PPFIA2: variants seen among roughly 807,000 people sequenced by gnomAD.
The protein encoded by PPFIA2 is PPFI scaffold protein A2.
Under a neutral mutation model 175.5 loss-of-function variants are expected in PPFIA2, and 46 were observed. The ratio of observed to expected loss-of-function variants is 0.26; its 90% CI spans 0.21 to 0.34. The LOEUF (loss-of-function observed/expected upper bound fraction) is 0.34, where lower values mean the gene tolerates loss of function less well. PPFIA2 is among the 10% of genes least tolerant of loss of function. The pLI is 1.00. For missense variants in PPFIA2, 1,179 were observed against 1,506.1 expected (o/e 0.78, Z 3.60); for synonymous variants, 568 against 511.4 (o/e 1.11, Z -1.49).
At chr12:81,398,807 G>C (rs928235312) in intron 8 of PPFIA2, among the ~76,000 whole-genome samples, 1 of 152,078 alleles carries the variant, frequency 6.6e-6, no homozygotes, top group Non-Finnish European at 1.5e-5. Flanking sequence ...TGTGGGTAAA[G>C]AGCGTCTCTG....
intron 22 of PPFIA2, among the ~76,000 whole-genome samples, chr12:81,311,499 C>T (rs998273732): frequency 1.3e-5 from 2 of 151,790 alleles, no homozygotes; most frequent in Non-Finnish European, 1.5e-5. Flanking sequence ...TTTGGGAGGC[C>T]GAGGCGGGTG....
intron 9 of PPFIA2, among the ~76,000 whole-genome samples, chr12:81,380,962 CTGTGTGTGTGTGTG>C (rs71098139): frequency 3.3e-4 from 45 of 137,534 alleles, no homozygotes; most frequent in East Asian, 4.3e-4. Context: ...TTTCACAGTG[CTGTGTGTGTGTGTG>C]TGTGTGTGTG....
rs60373881 is a variant in PPFIA2, at chr12:81,529,559, AAGAG to A, written c.304-71697_304-71694del. Reference sequence around the variant, plus strand: ...CAAAGAGTGGCGGGGGGGCAGTGGAAAGAGAGAGAGAGAGAGAGAGAGAGATTCA... The same window carrying A: ...CAAAGAGTGGCGGGGGGGCAGTGGAAAGAGAGAGAGAGAGAGAGAGATTCA... On this transcript the variant is annotated intron_variant, in intron 4 of 32. Coordinates refer to ENST00000549396, the MANE Select transcript of PPFIA2 (RefSeq NM_003625.5). Among the ~76,000 whole-genome samples the A allele has an allele frequency of 3.5e-4, 51 of 145,734 alleles. No homozygotes were observed. The East Asian group carries it at 7.2e-3, about 21-fold the overall frequency.
intron 4 of PPFIA2, among the ~76,000 whole-genome samples, chr12:81,460,205 G>T (rs1201073447): frequency 6.6e-6 from 1 of 152,034 alleles, no homozygotes; most frequent in Non-Finnish European, 1.5e-5. Context: ...TGAATCATGG[G>T]AGCAGTTTCC....
intron 3 of PPFIA2, among the ~76,000 whole-genome samples, chr12:81,736,318 T>G (rs891507377): frequency 5.9e-5 from 9 of 152,068 alleles, no homozygotes; most frequent in African/African-American, 1.9e-4. Flanking sequence ...CTATTATAGA[T>G]GGAGTTGTTT....
At chr12:81,286,015 G>A (rs1244414708) in intron 24 of PPFIA2, among the ~76,000 whole-genome samples, 1 of 151,950 alleles carries the variant, frequency 6.6e-6, no homozygotes, top group Admixed American at 6.6e-5. Flanking sequence ...TGATACTGAT[G>A]GTCCCGATCC....
At chr12:81,518,621 T>C (rs1262255944) in intron 4 of PPFIA2, among the ~76,000 whole-genome samples, 1 of 152,156 alleles carries the variant, frequency 6.6e-6, no homozygotes, top group East Asian at 1.9e-4. Context: ...ACTTTCTTAC[T>C]GACACCTTCA....
chr12:81,705,708 A>T (rs2077053674), intron 3 of PPFIA2, among the ~76,000 whole-genome samples: 1 of 152,112 alleles, frequency 6.6e-6, no homozygotes, highest in Non-Finnish European at 1.5e-5. Flanking sequence ...AAATGCAAAA[A>T]CTCAAACCAA....
chr12:81,673,151 T>G (rs550303432), intron 4 of PPFIA2, among the ~76,000 whole-genome samples: 2 of 152,058 alleles, frequency 1.3e-5, no homozygotes, highest in Non-Finnish European at 2.9e-5. Context: ...GTCTTAAAAA[T>G]TACACCTCTC....
intron 4 of PPFIA2, among the ~76,000 whole-genome samples, chr12:81,587,015 T>A (rs185202671): frequency 1.5e-4 from 23 of 152,044 alleles, no homozygotes; most frequent in African/African-American, 5.3e-4. Flanking sequence ...ACCTAAATAT[T>A]TTTTTTATTT....
intron 19 of PPFIA2, 128 bp from the exon 20 acceptor site, chr12:81,341,336 G>T: frequency 1.2e-6 from 1 of 842,330 alleles, no homozygotes; most frequent in Non-Finnish European, 1.7e-6. Context: ...AAAACTTGGG[G>T]CATTTAAGTC....
intron 4 of PPFIA2, among the ~76,000 whole-genome samples, chr12:81,491,373 C>A (rs1189161253): frequency 6.6e-6 from 1 of 151,904 alleles, no homozygotes; most frequent in South Asian, 2.1e-4. Context: ...TCCTCATTCT[C>A]CCCAAAAAAA....
intron 24 of PPFIA2, among the ~76,000 whole-genome samples, chr12:81,290,872 T>C (rs1047966323): frequency 3.3e-5 from 5 of 151,816 alleles, no homozygotes; most frequent in African/African-American, 9.7e-5. Flanking sequence ...CAACAACAAA[T>C]TGTGTTACAC....
chr12:81,441,766 A>C (rs2050216950), intron 6 of PPFIA2, among the ~76,000 whole-genome samples: 2 of 152,196 alleles, frequency 1.3e-5, no homozygotes, highest in South Asian at 4.1e-4. Flanking sequence ...CCATATTCTA[A>C]AATACCAACT....
At chr12:81,604,168 ATTTC>A (rs2060061980) in intron 4 of PPFIA2, among the ~76,000 whole-genome samples, 2 of 151,694 alleles carry the variant, frequency 1.3e-5, no homozygotes, top group African/African-American at 4.8e-5. Context: ...CCAGTGGGTG[ATTTC>A]CAGTGGGTGA....
chr12:81,520,840 G>A (rs1020595683), intron 4 of PPFIA2, among the ~76,000 whole-genome samples: 31 of 152,188 alleles, frequency 2.0e-4, no homozygotes, highest in Non-Finnish European at 4.4e-4. Context: ...CATGTGTCAA[G>A]AGGAGAGAGA....
At chr12:81,718,852 T>C (rs1457746947) in intron 3 of PPFIA2, among the ~76,000 whole-genome samples, 2 of 151,606 alleles carry the variant, frequency 1.3e-5, no homozygotes, top group Non-Finnish European at 3.0e-5. Flanking sequence ...CTGTCTGACG[T>C]TGGCTTGGCA....
In PPFIA2 at chr12:81,716,642, A is replaced by G. The variant is rs1343704158; in HGVS notation, c.249+37331T>C. Among the ~76,000 whole-genome samples the G allele has an allele frequency of 2.0e-5, 3 of 151,692 alleles. No homozygotes were observed. The Admixed American group carries it at 2.0e-4, about 10-fold the overall frequency. The stretch of plus-strand genomic sequence containing the variant: ...AACACGAAAGCAAAAATAAATGCCT[A>G]AAAATGCATGTTAGAAGTGATGCTT... On this transcript the variant is annotated intron_variant, in intron 3 of 32. Coordinates refer to ENST00000549396, the MANE Select transcript of PPFIA2 (RefSeq NM_003625.5).
chr12:81,320,452 A>G (rs1462077825), intron 22 of PPFIA2, among the ~76,000 whole-genome samples: 1 of 152,058 alleles, frequency 6.6e-6, no homozygotes, highest in Non-Finnish European at 1.5e-5. Flanking sequence ...AAATTTGTTC[A>G]CATATGAAAT....
Sources: allele counts gnomAD v4.1 joint callset (sites outside exome capture counted in the v4.1 genomes callset), GRCh38; gene constraint gnomAD v4.1.1; transcripts MANE v1.5; gene names NCBI Gene and HGNC (gene_info 2026-07-23, HGNC 2026-07-21).